Variants in CDH6 observed in about 807,000 individuals in gnomAD.
The protein encoded by CDH6 is cadherin-6.
A neutral mutation model predicts 78.0 loss-of-function variants in CDH6; 31 were observed. That is an observed-to-expected ratio of 0.40 (90% CI 0.30 to 0.54). The LOEUF is 0.54. Ranked by LOEUF, CDH6 falls within the 20% of genes least tolerant of loss-of-function variation. CDH6 has a pLI of 0.56. For synonymous variants in CDH6, 376 were observed against 368.8 expected, an observed-to-expected ratio of 1.02 and a Z score of -0.23; for missense variants, 724 against 975.9, an observed-to-expected ratio of 0.74 and a Z score of 3.44.
intron 1 of CDH6, among the ~76,000 whole-genome samples, chr5:31,216,213 TA>T (rs1385916003): frequency 6.6e-6 from 1 of 152,106 alleles, no homozygotes; most frequent in Admixed American, 6.6e-5. Flanking sequence ...GCTTGCAATC[TA>T]ATGCTTATTT....
chr5:31,218,835 C>G (rs1740934216), intron 1 of CDH6, among the ~76,000 whole-genome samples: 2 of 152,182 alleles, frequency 1.3e-5, no homozygotes, highest in Non-Finnish European at 2.9e-5. Context: ...GCTTCAAAAG[C>G]TCCCGTGGTT....
intron 2 of CDH6, among the ~76,000 whole-genome samples, chr5:31,285,313 C>T (rs1243294251): frequency 6.6e-6 from 1 of 152,148 alleles, no homozygotes; most frequent in Non-Finnish European, 1.5e-5. Context: ...ATTTTTCTCC[C>T]ATCAGTAGTC....
chr5:31,323,958 C>T lies in CDH6; in HGVS notation c.*650C>T, dbSNP rs1362612857. On this transcript the variant is annotated 3_prime_UTR_variant, in exon 12 of 12. Transcript: ENST00000265071. Reference sequence around the variant, plus strand: ...AAAAGCAACCACAAACCTAGTACGACTTCATTCCTTCCACTAACTCATAGT... The same window carrying T: ...AAAAGCAACCACAAACCTAGTACGATTTCATTCCTTCCACTAACTCATAGT... The T allele has an allele frequency of 3.1e-5, 7 of 228,548 alleles. No individual in the cohort carries two copies. The highest frequency in any genetic ancestry group is 6.1e-5 in the Non-Finnish European group (7 of 115,150). 14.2% of individuals were successfully genotyped at this position (228,548 alleles called of 1,614,324 possible).
chr5:31,273,312 C>T lies in CDH6; in HGVS notation c.228+5611C>T, dbSNP rs936596611. 4.6e-5 allele frequency among the ~76,000 whole-genome samples: 7 copies of T among 152,204 alleles called. No homozygotes were observed. In the East Asian group the frequency reaches 7.7e-4, roughly 17 times the overall value. ...GGCACTAATTCCATGCGTGATTCAG[C>T]GAGTCTCTGAACCACTTGTTGCTTC... On this transcript the variant is annotated intron_variant, in intron 2 of 11. Transcript: ENST00000265071.
intron 2 of CDH6, among the ~76,000 whole-genome samples, chr5:31,272,202 C>A (rs1165904604): frequency 1.3e-5 from 2 of 152,080 alleles, no homozygotes; most frequent in African/African-American, 4.8e-5. Context: ...GATGAAGAAG[C>A]CAAAGGTCCG....
chr5:31,232,969 A>G (rs1256205351), intron 1 of CDH6, among the ~76,000 whole-genome samples: 2 of 152,196 alleles, frequency 1.3e-5, no homozygotes, highest in African/African-American at 2.4e-5. Flanking sequence ...ATAACCTTTC[A>G]AAGGTTGCAG....
At chr5:31,252,218 T>C (rs1377421598) in intron 1 of CDH6, among the ~76,000 whole-genome samples, 4 of 152,218 alleles carry the variant, frequency 2.6e-5, no homozygotes, top group African/African-American at 9.6e-5. Flanking sequence ...GGTTTTTATT[T>C]ACAGTCATAA....
chr5:31,288,264 T>C (rs2149944185), intron 2 of CDH6, among the ~76,000 whole-genome samples: 1 of 152,354 alleles, frequency 6.6e-6, no homozygotes, highest in East Asian at 1.9e-4. Context: ...TGCCATCAGC[T>C]TTCTAATTGG....
intron 1 of CDH6, among the ~76,000 whole-genome samples, chr5:31,204,997 C>T (rs1740475263): frequency 6.6e-6 from 1 of 152,140 alleles, no homozygotes; most frequent in South Asian, 2.1e-4. Context: ...ACAGCAAAAG[C>T]CCACCTGATA....
intron 1 of CDH6, among the ~76,000 whole-genome samples, chr5:31,232,367 AATTTTTCTTCCAC>A (rs1014912607): frequency 2.3e-4 from 35 of 152,270 alleles, no homozygotes; most frequent in Admixed American, 1.0e-3. Flanking sequence ...GGACGTTTTA[AATTTTTCTTCCAC>A]ATTTTTCTTC....
At chr5:31,258,160 T>G (rs540448521) in intron 1 of CDH6, among the ~76,000 whole-genome samples, 1 of 152,186 alleles carries the variant, frequency 6.6e-6, no homozygotes, top group African/African-American at 2.4e-5. Flanking sequence ...TGATTATAAA[T>G]TATTCTACTA....
intron 1 of CDH6, among the ~76,000 whole-genome samples, chr5:31,202,216 C>T (rs954258908): frequency 2.0e-5 from 3 of 152,036 alleles, no homozygotes; most frequent in African/African-American, 4.8e-5. Flanking sequence ...CAATTGCCTT[C>T]TAGTGTATAG....
intron 1 of CDH6, among the ~76,000 whole-genome samples, chr5:31,248,232 G>C (rs1741811443): frequency 6.6e-6 from 1 of 152,122 alleles, no homozygotes; most frequent in South Asian, 2.1e-4. Context: ...AGACCTCAAA[G>C]CAATCTTTCA....
intron 1 of CDH6, among the ~76,000 whole-genome samples, chr5:31,235,108 C>T (rs750436214): frequency 2.6e-5 from 4 of 152,020 alleles, no homozygotes; most frequent in Non-Finnish European, 4.4e-5. Flanking sequence ...GCTGAGAAGA[C>T]CATGGGGTAG....
intron 5 of CDH6, 96 bp downstream of exon 5, chr5:31,299,727 G>A: frequency 9.4e-7 from 1 of 1,065,472 alleles, no homozygotes; most frequent in Admixed American, 2.0e-5. Flanking sequence ...TATTGTCAAA[G>A]TTAGTGGACT....
At chr5:31,206,478 C>A (rs1309384890) in intron 1 of CDH6, among the ~76,000 whole-genome samples, 1 of 152,130 alleles carries the variant, frequency 6.6e-6, no homozygotes, top group Non-Finnish European at 1.5e-5. Flanking sequence ...TATCTGTTCG[C>A]TTTAATTTGA....
intron 1 of CDH6, among the ~76,000 whole-genome samples, chr5:31,220,750 C>G (rs1212936333): frequency 6.6e-6 from 1 of 152,082 alleles, no homozygotes; most frequent in African/African-American, 2.4e-5. Context: ...CTCTTCGTAA[C>G]AGTGATATTT....
Position 31,328,372 on chromosome 5 carries a change from T to C in CDH6, c.*5064T>C, listed in dbSNP as rs1463147915. Reference sequence around the variant, plus strand: ...GGAGGCACCTTCTCTAAGCTTTTAGTTTTCTATGATCTATTAGTTTAGTGT... The same window carrying C: ...GGAGGCACCTTCTCTAAGCTTTTAGCTTTCTATGATCTATTAGTTTAGTGT... On this transcript the variant is annotated 3_prime_UTR_variant, in exon 12 of 12. Coordinates refer to ENST00000265071, the MANE Select transcript of CDH6 (RefSeq NM_004932.4). 5.0e-6 allele frequency: 1 copy of C among 200,290 alleles called. No individual in the cohort carries two copies. The highest frequency in any genetic ancestry group is 2.3e-5 in the African/African-American group (1 of 43,466). 12.4% of individuals were successfully genotyped at this position (200,290 alleles called of 1,614,324 possible). A position where few individuals can be genotyped will look rare whatever the true frequency, so the allele number is the denominator to read the frequency against.
chr5:31,252,120 T>C (rs1236034057), intron 1 of CDH6, among the ~76,000 whole-genome samples: 2 of 152,234 alleles, frequency 1.3e-5, no homozygotes, highest in Non-Finnish European at 2.9e-5. Context: ...TCTGGCATTA[T>C]CTGAGGGTGG....
Sources: gnomAD v4.1 joint callset for allele counts (sites outside exome capture counted in the v4.1 genomes callset) on GRCh38, gnomAD v4.1.1 for gene constraint, MANE v1.5 for transcripts, NCBI Gene and HGNC (gene_info 2026-07-23, HGNC 2026-07-21) for gene names.